Variants in RPS6KC1 observed in about 807,000 individuals in gnomAD.
The protein encoded by RPS6KC1 is inactive ribosomal protein S6 kinase delta-1.
Under a neutral mutation model 103.8 loss-of-function variants are expected in RPS6KC1, and 54 were observed. The ratio of observed to expected loss-of-function variants is 0.52; its 90% confidence interval spans 0.42 to 0.65. The LOEUF (loss-of-function observed/expected upper bound fraction) is 0.65, where lower values mean the gene tolerates loss of function less well. RPS6KC1 is among the 30% of genes least tolerant of loss of function. The pLI is 0.00. For synonymous variants in RPS6KC1, 439 were observed against 438.7 expected, an observed-to-expected ratio of 1.00 and a Z score of -0.01; for missense variants, 1,151 against 1,253.8, an observed-to-expected ratio of 0.92 and a Z score of 1.24.
chr1:213,680,167 A>G, the RPS6KC1 span, among the ~76,000 whole-genome samples: 2 of 152,196 alleles, frequency 1.3e-5, no homozygotes, highest in Non-Finnish European at 2.9e-5. Flanking sequence ...TGTTTACCCA[A>G]AGAAATTGTG....
chr1:213,278,839 G>A (rs1183818776), downstream of RPS6KC1, among the ~76,000 whole-genome samples: 8 of 152,150 alleles, frequency 5.3e-5, no homozygotes, highest in Admixed American at 4.6e-4. Flanking sequence ...TTCCTGTATA[G>A]GAGCAGGACC....
intron 8 of RPS6KC1, among the ~76,000 whole-genome samples, chr1:213,212,082 C>T (rs187566148): frequency 1.2e-3 from 180 of 152,172 alleles, no homozygotes; most frequent in African/African-American, 3.2e-3. Context: ...ATTGACGCAT[C>T]ATAATGACTT....
intron 5 of RPS6KC1, among the ~76,000 whole-genome samples, chr1:213,129,231 G>A (rs1056401620): frequency 1.3e-5 from 2 of 152,302 alleles, no homozygotes; most frequent in African/African-American, 4.8e-5. Context: ...ACAGCTTTCT[G>A]TAAATAGCTT....
chr1:213,612,813 A>G, the RPS6KC1 span, among the ~76,000 whole-genome samples: 1 of 152,212 alleles, frequency 6.6e-6, no homozygotes, highest in African/African-American at 2.4e-5. Context: ...ATCATGAAGT[A>G]TATTTGCCTC....
chr1:213,539,576 C>T, the RPS6KC1 span, among the ~76,000 whole-genome samples: 4 of 152,184 alleles, frequency 2.6e-5, no homozygotes, highest in African/African-American at 7.2e-5. Context: ...GGGAAAGTTG[C>T]GGTTGTGCTA....
chr1:213,342,288 G>A, the RPS6KC1 span, among the ~76,000 whole-genome samples: 2 of 152,130 alleles, frequency 1.3e-5, no homozygotes, highest in African/African-American at 4.8e-5. Context: ...GTCATATTTT[G>A]CTGATTCCTT....
chr1:213,647,892 T>C, the RPS6KC1 span, among the ~76,000 whole-genome samples: 2 of 152,154 alleles, frequency 1.3e-5, no homozygotes, highest in Admixed American at 1.3e-4. Context: ...TATAAGCACA[T>C]TTATTTACTC....
chr1:213,588,593 C>T, the RPS6KC1 span, among the ~76,000 whole-genome samples: 2 of 152,110 alleles, frequency 1.3e-5, no homozygotes, highest in African/African-American at 4.8e-5. Context: ...GACACCATGC[C>T]CGGCCTCTGT....
chr1:213,761,092 T>C, the RPS6KC1 span, among the ~76,000 whole-genome samples: 1 of 152,088 alleles, frequency 6.6e-6, no homozygotes, highest in Non-Finnish European at 1.5e-5. Flanking sequence ...TGAGCATTTT[T>C]TGAGATAAAG....
intron 12 of RPS6KC1, among the ~76,000 whole-genome samples, chr1:213,259,816 G>A (rs547109712): frequency 1.0e-4 from 13 of 126,710 alleles, no homozygotes; most frequent in African/African-American, 3.1e-4. Context: ...TCAGCTCACC[G>A]CAACCTCCAC....
At chr1:213,602,833 C>A in the RPS6KC1 span, among the ~76,000 whole-genome samples, 1 of 152,290 alleles carries the variant, frequency 6.6e-6, no homozygotes. Context: ...GGCTTTATTT[C>A]ATAGAATTTT....
At chr1:213,257,774 A>G (rs936346887) in intron 12 of RPS6KC1, among the ~76,000 whole-genome samples, 1 of 141,104 alleles carries the variant, frequency 7.1e-6, no homozygotes, top group Non-Finnish European at 1.5e-5. Flanking sequence ...CTTGAATTGT[A>G]AACAGGTAAA....
chr1:213,361,589 G>A, the RPS6KC1 span, among the ~76,000 whole-genome samples: 37 of 152,320 alleles, frequency 2.4e-4, no homozygotes, highest in East Asian at 6.0e-3. Context: ...AGATGAACCC[G>A]GTACCTCAAT....
At chr1:213,271,807 C>G (rs941837421) in intron 14 of RPS6KC1, among the ~76,000 whole-genome samples, 1 of 150,328 alleles carries the variant, frequency 6.7e-6, no homozygotes, top group African/African-American at 2.4e-5. Flanking sequence ...GATTGTGATG[C>G]TAGTTGCACA....
the RPS6KC1 span, among the ~76,000 whole-genome samples, chr1:213,771,178 C>T: frequency 6.6e-6 from 1 of 152,086 alleles, no homozygotes; most frequent in African/African-American, 2.4e-5. Context: ...AAGCTTGCCC[C>T]AGGTTCCTGG....
the RPS6KC1 span, among the ~76,000 whole-genome samples, chr1:213,660,269 G>GCCAGTATCT: frequency 6.6e-6 from 1 of 152,174 alleles, no homozygotes; most frequent in Non-Finnish European, 1.5e-5. Flanking sequence ...TTTAATGTAG[G>GCCAGTATCT]CCAGTATCTC....
the RPS6KC1 span, among the ~76,000 whole-genome samples, chr1:213,545,524 T>C: frequency 6.6e-6 from 1 of 152,138 alleles, no homozygotes; most frequent in Non-Finnish European, 1.5e-5. Context: ...TATCTTTCCT[T>C]TGTGAGTGTC....
Position 213,101,063 on chromosome 1 carries a change from C to T in RPS6KC1, c.263-3391C>T, listed in dbSNP as rs575524974. The stretch of plus-strand genomic sequence containing the variant: ...TCCCACCAACAGTTTATAAGCATTC[C>T]CTATTCTGTGCAACCTCGCCAGCAT... On this transcript the variant is annotated intron_variant, in intron 3 of 14. Transcript: ENST00000366960. 2.6e-5 allele frequency among the ~76,000 whole-genome samples: 4 copies of T among 152,244 alleles called. No homozygotes were observed. In the South Asian group the frequency reaches 8.3e-4, roughly 32 times the overall value.
chr1:213,779,842 A>G, the RPS6KC1 span, among the ~76,000 whole-genome samples: 2 of 152,208 alleles, frequency 1.3e-5, no homozygotes, highest in East Asian at 1.9e-4. Flanking sequence ...TTTCTCAAAT[A>G]TAGAGGTATC....
Sources: allele counts gnomAD v4.1 joint callset (sites outside exome capture counted in the v4.1 genomes callset), GRCh38; gene constraint gnomAD v4.1.1; transcripts MANE v1.5; gene names NCBI Gene and HGNC (gene_info 2026-07-23, HGNC 2026-07-21).